The following ETV1 variants were observed in gnomAD, a reference collection of about 807,000 sequenced individuals.
The protein encoded by ETV1 is ETS translocation variant 1.
In ETV1, 27 loss-of-function variants were observed where a neutral mutation model predicts 62.3. That is an observed-to-expected ratio of 0.43 (90% CI 0.32 to 0.60). ETV1 has a LOEUF of 0.60. Ranked by LOEUF, ETV1 falls within the 20% of genes least tolerant of loss-of-function variation. The pLI, the probability that ETV1 is intolerant of heterozygous loss-of-function variation, is 0.06. For missense variants in ETV1, 605 were observed against 605.8 expected (o/e 1.00, Z 0.01); for synonymous variants, 222 against 199.6 (o/e 1.11, Z -0.94).
At position 13,964,537 on chromosome 7, in the gene ETV1, C is replaced by A. The variant is rs77557736; in HGVS notation, c.235+12890G>T. Among the ~76,000 whole-genome samples the A allele has an allele frequency of 7.2e-3, 1,100 of 152,198 alleles. 49 individuals carry two copies. The East Asian group carries it at 0.14, about 19-fold the overall frequency. ...CTTAATGTGAAAAATCGACATAATACTAAGCTAAGAATTATGCATAGATAC... is the reference window on the plus strand; with the variant it reads ...CTTAATGTGAAAAATCGACATAATAATAAGCTAAGAATTATGCATAGATAC... On this transcript the variant is annotated intron_variant, in intron 6 of 13. Transcript: ENST00000430479.
chr7:13,933,017 G>C (rs1786370747), intron 8 of ETV1, among the ~76,000 whole-genome samples: 1 of 152,148 alleles, frequency 6.6e-6, no homozygotes, highest in Non-Finnish European at 1.5e-5. Flanking sequence ...GGATATTGCA[G>C]AGCAGTTAGG....
In ETV1 at chr7:13,922,305, A is replaced by G. The variant is rs921896598; in HGVS notation, c.802+9197T>C. 7.2e-5 allele frequency among the ~76,000 whole-genome samples: 11 copies of G among 152,356 alleles called. 1 individual carries two copies. In the South Asian group the frequency reaches 2.3e-3, roughly 32 times the overall value. On this transcript the variant is annotated intron_variant, in intron 9 of 13. Coordinates refer to ENST00000430479, the MANE Select transcript of ETV1 (RefSeq NM_004956.5). ...TTCGTAACAACTTGGTGACACTTCCATACTTTCAAAGGGAATATGAATAGA... is the reference window on the plus strand; with the variant it reads ...TTCGTAACAACTTGGTGACACTTCCGTACTTTCAAAGGGAATATGAATAGA...
intron 6 of ETV1, among the ~76,000 whole-genome samples, chr7:13,971,732 A>T (rs1403357863): frequency 6.6e-5 from 10 of 152,234 alleles, no homozygotes; most frequent in Admixed American, 5.2e-4. Context: ...GAACTAATGT[A>T]ACCAAATGGA....
At chr7:13,931,861 A>T in intron 8 of ETV1, 112 bp from the exon 9 acceptor site, 1 of 1,285,132 alleles carries the variant, frequency 7.8e-7, no homozygotes. Flanking sequence ...GCTGACCTGA[A>T]GCGTAAATCT....
At chr7:13,904,758 T>C (rs1782784564) in intron 12 of ETV1, among the ~76,000 whole-genome samples, 1 of 151,844 alleles carries the variant, frequency 6.6e-6, no homozygotes, top group Admixed American at 6.6e-5. Context: ...TTCCATGAGG[T>C]GAAGAGCACA....
intron 3 of ETV1, chr7:13,988,803 C>T: frequency 6.2e-7 from 1 of 1,604,806 alleles, no homozygotes; most frequent in Non-Finnish European, 8.5e-7. Flanking sequence ...GTCTTAAAAA[C>T]AAAACTATGC....
intron 6 of ETV1, among the ~76,000 whole-genome samples, chr7:13,954,921 A>AACTTTAC (rs1196320821): frequency 6.6e-6 from 1 of 152,208 alleles, no homozygotes; most frequent in African/African-American, 2.4e-5. Context: ...GGGCCAAAAA[A>AACTTTAC]AGTACCTTTC....
chr7:13,918,471 G>A (rs377240940), intron 9 of ETV1, among the ~76,000 whole-genome samples: 2 of 151,908 alleles, frequency 1.3e-5, no homozygotes, highest in African/African-American at 4.8e-5. Context: ...CAAAGACTTG[G>A]AACCAACCCA....
chr7:13,910,802 T>C (rs1783485053), intron 10 of ETV1, among the ~76,000 whole-genome samples: 1 of 152,210 alleles, frequency 6.6e-6, no homozygotes, highest in South Asian at 2.1e-4. Context: ...ATCTCATTCA[T>C]ATAAATTATT....
chr7:13,920,700 C>T (rs1471297389), intron 9 of ETV1, among the ~76,000 whole-genome samples: 1 of 152,180 alleles, frequency 6.6e-6, no homozygotes, highest in Non-Finnish European at 1.5e-5. Flanking sequence ...TCTCAACTCT[C>T]AAATCAAATC....
chr7:13,947,242 T>A (rs1179754746), intron 6 of ETV1, among the ~76,000 whole-genome samples: 1 of 152,226 alleles, frequency 6.6e-6, no homozygotes, highest in African/African-American at 2.4e-5. Flanking sequence ...GATGTATGTT[T>A]TTGTTTATAT....
At chr7:13,937,732 G>A (rs181604685) in intron 7 of ETV1, among the ~76,000 whole-genome samples, 1 of 152,226 alleles carries the variant, frequency 6.6e-6, no homozygotes, top group Admixed American at 6.5e-5. Context: ...AACTCAGATC[G>A]ATCAATACTG....
At chr7:13,951,507 A>G (rs1187082893) in intron 6 of ETV1, among the ~76,000 whole-genome samples, 1 of 152,170 alleles carries the variant, frequency 6.6e-6, no homozygotes, top group Non-Finnish European at 1.5e-5. Context: ...GTGTGTATTG[A>G]GTCCTTAATG....
rs879479249 is a variant in ETV1, at chr7:13,929,065, TTC to T, written c.802+2435_802+2436del. Among the ~76,000 whole-genome samples the T allele has an allele frequency of 4.6e-5, 7 of 152,234 alleles. No homozygotes were observed. The South Asian group carries it at 6.2e-4, about 13-fold the overall frequency. ...AATTTATATGATTTCCACATAAAGTTTCTTGAAATCATAATGAATTTTAAAAA... is the reference window on the plus strand; with the variant it reads ...AATTTATATGATTTCCACATAAAGTTTTGAAATCATAATGAATTTTAAAAA... On this transcript the variant is annotated intron_variant, in intron 9 of 13. Coordinates refer to ENST00000430479, the MANE Select transcript of ETV1 (RefSeq NM_004956.5).
At chr7:13,926,471 T>C (rs1055124589) in intron 9 of ETV1, among the ~76,000 whole-genome samples, 2 of 152,216 alleles carry the variant, frequency 1.3e-5, no homozygotes, top group African/African-American at 2.4e-5. Context: ...AAACCTCATA[T>C]GTGGTCATGA....
intron 6 of ETV1, among the ~76,000 whole-genome samples, chr7:13,944,062 TAAC>T (rs371554859): frequency 3.9e-5 from 6 of 152,186 alleles, no homozygotes; most frequent in Non-Finnish European, 5.9e-5. Context: ...GCTGCTAGCA[TAAC>T]AACAGCCTTC....
At chr7:13,899,521 G>A (rs1341643890) in intron 13 of ETV1, among the ~76,000 whole-genome samples, 1 of 152,186 alleles carries the variant, frequency 6.6e-6, no homozygotes. Context: ...TAAGCTTCAT[G>A]TAGCAACTGG....
chr7:13,988,891 A>C (rs1438250537), intron 3 of ETV1, 117 bp downstream of exon 3: 1 of 1,541,630 alleles, frequency 6.5e-7, no homozygotes, highest in Non-Finnish European at 8.9e-7. Flanking sequence ...AGTGGCAACA[A>C]AGCAGATAAG....
In ETV1 at chr7:13,894,525, C is replaced by T. The variant is rs543364069; in HGVS notation, c.*1341G>A. 4.3e-5 allele frequency: 10 copies of T among 232,498 alleles called. No homozygotes were observed. The highest frequency in any genetic ancestry group is 4.3e-4 in the East Asian group (7 of 16,326). The allele number at this position is 232,498 out of a possible 1,614,324, so 14.4% of individuals were successfully genotyped here. Reference sequence around the variant, plus strand: ...GGTTTGTAAATAATTTTCCATATCACCAAAAGTTACAAAAGGTTCCACAGT... The same window carrying T: ...GGTTTGTAAATAATTTTCCATATCATCAAAAGTTACAAAAGGTTCCACAGT... On this transcript the variant is annotated 3_prime_UTR_variant, in exon 14 of 14. Transcript: ENST00000430479.
Sources: allele counts gnomAD v4.1 joint callset (sites outside exome capture counted in the v4.1 genomes callset), GRCh38; gene constraint gnomAD v4.1.1; transcripts MANE v1.5; gene names NCBI Gene and HGNC (gene_info 2026-07-23, HGNC 2026-07-21).